Variants in YY1 observed in about 807,000 individuals in gnomAD.
The protein encoded by YY1 is YY1 transcription factor, also known as transcriptional repressor protein YY1.
A neutral mutation model predicts 35.6 loss-of-function variants in YY1; 2 were observed. The observed-to-expected ratio is 0.06, with a 90% CI of 0.02 to 0.18. The LOEUF (loss-of-function observed/expected upper bound fraction) is 0.18, where lower values mean the gene tolerates loss of function less well. YY1 is among the 10% of genes least tolerant of loss of function. The probability of loss-of-function intolerance (pLI) is 1.00; values close to 1 mark genes in which losing one functional copy is unlikely to be tolerated. For missense variants in YY1, 322 were observed against 573.4 expected (o/e 0.56, Z 4.48); for synonymous variants, 268 against 238.9 (o/e 1.12, Z -1.12).
intron 1 of YY1, among the ~76,000 whole-genome samples, chr14:100,260,385 G>T (rs189245658): frequency 2.8e-4 from 43 of 151,358 alleles, no homozygotes; most frequent in Non-Finnish European, 4.9e-4. Context: ...TTTGGTGTCT[G>T]AGATATGGGA....
At chr14:100,246,940 A>G (rs889153909) in intron 1 of YY1, among the ~76,000 whole-genome samples, 3 of 152,192 alleles carry the variant, frequency 2.0e-5, no homozygotes, top group African/African-American at 7.2e-5. Flanking sequence ...TTAGCTTCCT[A>G]ATAAAGCCTC....
In YY1 at chr14:100,277,137, G is replaced by T; in HGVS notation, c.1063-281G>T. On this transcript the variant is annotated intron_variant, in intron 4 of 4. Coordinates refer to ENST00000262238, the MANE Select transcript of YY1 (RefSeq NM_003403.5). This position sits in a 1 kb window ranked among gnomAD's most constrained non-coding sequence, Gnocchi z 5.6. ...AACCCTTAATCATTTGTATTTTACT[G>T]TTGGAAATGTTTACAGCAGCACTAG... The T allele has an allele frequency of 3.8e-6, 2 of 524,914 alleles. No homozygotes were observed. The highest frequency in any genetic ancestry group is 4.4e-5 in the South Asian group (2 of 45,796). 32.5% of individuals were successfully genotyped at this position (524,914 alleles called of 1,614,324 possible). A position where few individuals can be genotyped will look rare whatever the true frequency, so the allele number is the denominator to read the frequency against.
Position 100,277,361 on chromosome 14 carries a change from C to G in YY1, c.1063-57C>G, listed in dbSNP as rs772917705. On this transcript the variant is annotated intron_variant, in intron 4 of 4. Coordinates refer to ENST00000262238, the MANE Select transcript of YY1 (RefSeq NM_003403.5). This position sits in a 1 kb window ranked among gnomAD's most constrained non-coding sequence, Gnocchi z 5.6. ...CTCTAGCAAAGCAGTGAGCTCCTGA[C>G]TCCCAGGGTCTGGTCAGAGTTGCTG... 1.4e-5 allele frequency: 23 copies of G among 1,601,528 alleles called. No individual in the cohort carries two copies. Among genetic ancestry groups the G allele is most frequent in the Non-Finnish European group, 2.0e-5 (23 of 1,168,790 alleles).
chr14:100,262,180 A>T, intron 1 of YY1, 124 bp from the exon 2 acceptor site: 1 of 980,974 alleles, frequency 1.0e-6, no homozygotes, highest in East Asian at 2.7e-5. Context: ...AAAAAGGGAG[A>T]GGGGAGAACA....
Position 100,277,164 on chromosome 14 carries a change from A to G in YY1, c.1063-254A>G. 1.7e-6 allele frequency: 1 copy of G among 572,856 alleles called. No homozygotes were observed. The allele number at this position is 572,856 out of a possible 1,614,324, so 35.5% of individuals were successfully genotyped here. A position where few individuals can be genotyped will look rare whatever the true frequency, so the allele number is the denominator to read the frequency against. On this transcript the variant is annotated intron_variant, in intron 4 of 4. Coordinates refer to ENST00000262238, the MANE Select transcript of YY1 (RefSeq NM_003403.5). This position sits in a 1 kb window ranked among gnomAD's most constrained non-coding sequence, Gnocchi z 5.6. ...TGGAAATGTTTACAGCAGCACTAGG[A>G]CTCTAGCCTGCATTTAGGAAGACTT...
chr14:100,240,488 C>A (rs1179730278), intron 1 of YY1, among the ~76,000 whole-genome samples: 3 of 151,344 alleles, frequency 2.0e-5, no homozygotes, highest in Admixed American at 6.6e-5. Context: ...CCCAACTGCT[C>A]CCCGGTGGCA....
At chr14:100,262,694 G>C (rs572588942) in intron 2 of YY1, among the ~76,000 whole-genome samples, 2 of 152,068 alleles carry the variant, frequency 1.3e-5, no homozygotes, top group Admixed American at 6.6e-5. Flanking sequence ...TCGACTCACT[G>C]CAGCCTCTGC....
chr14:100,241,365 G>T (rs1890738783), intron 1 of YY1, among the ~76,000 whole-genome samples: 1 of 151,236 alleles, frequency 6.6e-6, no homozygotes, highest in African/African-American at 2.5e-5. Flanking sequence ...GAATGAAACA[G>T]AAATGAAAAG....
intron 1 of YY1, among the ~76,000 whole-genome samples, chr14:100,248,469 A>G (rs1229350640): frequency 1.3e-5 from 2 of 152,246 alleles, no homozygotes; most frequent in East Asian, 3.9e-4. Flanking sequence ...ATGACCTGGC[A>G]AATGAGATAT....
chr14:100,266,069 A>G (rs1891149810), intron 2 of YY1, among the ~76,000 whole-genome samples: 1 of 152,118 alleles, frequency 6.6e-6, no homozygotes, highest in Admixed American at 6.6e-5. Context: ...AATGAGGTAG[A>G]AGCAAAAGTG....
Position 100,278,532 on chromosome 14 carries a change from A to G in YY1, c.*932A>G, listed in dbSNP as rs1397773199. 1 of 152,390 alleles carries G rather than the reference A, an allele frequency of 6.6e-6. No individual in the cohort carries two copies. The highest frequency in any genetic ancestry group is 1.5e-5 in the Non-Finnish European group (1 of 68,038). The allele number at this position is 152,390 out of a possible 1,614,324, so 9.4% of individuals were successfully genotyped here. A position where few individuals can be genotyped will look rare whatever the true frequency, so the allele number is the denominator to read the frequency against. Reference sequence around the variant, plus strand: ...TTTTCTTTTGTTGTCCAGAATACTTATAATTCTTGAGCCTCCCAGAAATTG... The same window carrying G: ...TTTTCTTTTGTTGTCCAGAATACTTGTAATTCTTGAGCCTCCCAGAAATTG... On this transcript the variant is annotated 3_prime_UTR_variant, in exon 5 of 5. Coordinates refer to ENST00000262238, the MANE Select transcript of YY1 (RefSeq NM_003403.5).
In YY1 at chr14:100,282,058, T is replaced by G. The variant is rs973620790; in HGVS notation, c.*4458T>G. The G allele has an allele frequency of 2.0e-5, 3 of 152,180 alleles. No individual in the cohort carries two copies. Among genetic ancestry groups the G allele is most frequent in the African/African-American group, 7.2e-5 (3 of 41,426 alleles). The allele number at this position is 152,180 out of a possible 1,614,324, so 9.4% of individuals were successfully genotyped here. On this transcript the variant is annotated 3_prime_UTR_variant, in exon 5 of 5. Coordinates refer to ENST00000262238, the MANE Select transcript of YY1 (RefSeq NM_003403.5). ...GGAGCGTTTAAGCTGAGCGTTAGCA[T>G]CAGGTCAGCAGGCAAAGCAAACCTC...
At chr14:100,243,549 T>C (rs1890782043) in intron 1 of YY1, among the ~76,000 whole-genome samples, 3 of 152,024 alleles carry the variant, frequency 2.0e-5, no homozygotes, top group African/African-American at 7.2e-5. Context: ...TCCCAGAACT[T>C]TGGGAGGCCA....
chr14:100,270,622 C>G (rs1445936854), intron 2 of YY1, among the ~76,000 whole-genome samples: 1 of 147,982 alleles, frequency 6.8e-6, no homozygotes, highest in Non-Finnish European at 1.5e-5. Flanking sequence ...AACTCCATCT[C>G]AAAAAAGAAA....
rs554039383 is a variant in YY1 at position 100,270,161 on chromosome 14, G to A, written c.843-4537G>A. Among the ~76,000 whole-genome samples, 19 of 150,134 alleles carry A rather than the reference G, an allele frequency of 1.3e-4. No homozygotes were observed. In the East Asian group the frequency reaches 3.8e-3, roughly 30 times the overall value. On this transcript the variant is annotated intron_variant, in intron 2 of 4. Transcript: ENST00000262238. ...GCCTGTAGTCCCAGCTACTCAGGAG[G>A]CTGAGGCAGGAGAATGGCCTGAACC... is the stretch of plus-strand genomic sequence containing the variant.
chr14:100,253,525 C>G (rs1263945173), intron 1 of YY1, among the ~76,000 whole-genome samples: 2 of 152,198 alleles, frequency 1.3e-5, no homozygotes, highest in East Asian at 1.9e-4. Flanking sequence ...TCAAGCTATT[C>G]TCCCACCTCA....
intron 1 of YY1, among the ~76,000 whole-genome samples, chr14:100,243,837 GGCTGACGCCTGTAA>G (rs1890787222): frequency 6.6e-6 from 1 of 151,926 alleles, no homozygotes; most frequent in Non-Finnish European, 1.5e-5. Flanking sequence ...CGGGCGCGGT[GGCTGACGCCTGTAA>G]TCCCAGCACT....
chr14:100,239,703 G>A lies in YY1; in HGVS notation c.459G>A (p.Val153=). ...ACATTGAACAAACGCTGGTCACCGT[G>A]GCGGCGGCCGGCAAGAGCGGCGGCG... ...DDYIEQTLVT[V]AAAGKSGGGG... is the part of the protein sequence containing the mutation. Residue 153 remains valine (V), a synonymous_variant, in exon 1 of 5, where the codon GTG becomes GTA. Transcript: ENST00000262238. The A allele has an allele frequency of 2.5e-6, 4 of 1,602,532 alleles. No individual in the cohort carries two copies. The highest frequency in any genetic ancestry group is 2.5e-6 in the Non-Finnish European group (3 of 1,177,758).
At chr14:100,254,689 T>C (rs1451567125) in intron 1 of YY1, among the ~76,000 whole-genome samples, 1 of 152,088 alleles carries the variant, frequency 6.6e-6, no homozygotes, top group Non-Finnish European at 1.5e-5. Flanking sequence ...ACTCCTGACC[T>C]TAGGTGATCA....
Sources: allele counts gnomAD v4.1 joint callset (sites outside exome capture counted in the v4.1 genomes callset), GRCh38; gene constraint gnomAD v4.1.1; non-coding constraint Gnocchi (gnomAD v3.1); transcripts MANE v1.5; gene names NCBI Gene and HGNC (gene_info 2026-07-23, HGNC 2026-07-21).